Variants in ARMC9 observed in about 807,000 individuals in gnomAD.
ARMC9 encodes the protein lisH domain-containing protein ARMC9.
Under a neutral mutation model 107.0 loss-of-function variants are expected in ARMC9, and 94 were observed. That is an observed-to-expected ratio of 0.88 (90% confidence interval 0.74 to 1.04). ARMC9 has a LOEUF of 1.04. Ranked by LOEUF, ARMC9 falls within the 50% of genes least tolerant of loss-of-function variation. The pLI is 0.00. For missense variants in ARMC9, 942 were observed against 1,030.1 expected (o/e 0.91, Z 1.17); for synonymous variants, 380 against 396.9 (o/e 0.96, Z 0.51).
At position 231,281,588 on chromosome 2, in the gene ARMC9, G is replaced by C. The variant is rs191602566; in HGVS notation, c.1552-471G>C. On this transcript the variant is annotated intron_variant, in intron 16 of 24. Transcript: ENST00000611582. ...ATGGTTACATTAAAGGGTGAATATT[G>C]AGGGTAGAGAGACTGGTTTGGAGAT... Among the ~76,000 whole-genome samples, 473 of 152,264 alleles carry C rather than the reference G, an allele frequency of 3.1e-3. 2 individuals are homozygous for C. Among genetic ancestry groups the C allele is most frequent in the African/African-American group, 0.011 (456 of 41,546 alleles).
At chr2:231,230,364 A>AG in intron 7 of ARMC9, among the ~76,000 whole-genome samples, 1 of 152,234 alleles carries the variant, frequency 6.6e-6, no homozygotes, top group East Asian at 1.9e-4. Flanking sequence ...AAAAAAAAAA[A>AG]GAAGAGGAAA....
At chr2:231,210,710 C>T (rs905244889) in intron 3 of ARMC9, among the ~76,000 whole-genome samples, 3 of 152,218 alleles carry the variant, frequency 2.0e-5, no homozygotes, top group Non-Finnish European at 4.4e-5. Context: ...ATTTCAGCTC[C>T]AGCTGCATCT....
At chr2:231,312,401 G>A (rs2042404525) in intron 19 of ARMC9, among the ~76,000 whole-genome samples, 1 of 152,238 alleles carries the variant, frequency 6.6e-6, no homozygotes. Flanking sequence ...CACAAGGCCA[G>A]CCCAGTCTCA....
chr2:231,214,236 C>A (rs1010642653), intron 3 of ARMC9, among the ~76,000 whole-genome samples: 1 of 152,236 alleles, frequency 6.6e-6, no homozygotes, highest in Non-Finnish European at 1.5e-5. Flanking sequence ...AGCTGGCAGG[C>A]GTGGACAGTC....
intron 14 of ARMC9, 58 bp downstream of exon 14, chr2:231,273,136 C>T: frequency 1.3e-6 from 2 of 1,561,108 alleles, no homozygotes; most frequent in East Asian, 2.3e-5. Context: ...AGTTAAAATT[C>T]CCATGGCAAC....
chr2:231,335,771 T>C (rs2044048435), intron 20 of ARMC9, among the ~76,000 whole-genome samples: 2 of 152,278 alleles, frequency 1.3e-5, no homozygotes, highest in South Asian at 4.1e-4. Flanking sequence ...GTGCATACCG[T>C]GCTGAGTAAT....
chr2:231,327,156 G>A (rs762643374), intron 19 of ARMC9, among the ~76,000 whole-genome samples: 23 of 152,222 alleles, frequency 1.5e-4, no homozygotes, highest in Non-Finnish European at 1.9e-4. Flanking sequence ...TGGCAGGGAC[G>A]AGGAAGGGGC....
At chr2:231,330,712 G>A (rs1160197504) in intron 19 of ARMC9, among the ~76,000 whole-genome samples, 1 of 152,202 alleles carries the variant, frequency 6.6e-6, no homozygotes, top group Non-Finnish European at 1.5e-5. Flanking sequence ...GCAGGTGGGA[G>A]TGGAGCTACC....
intron 21 of ARMC9, among the ~76,000 whole-genome samples, chr2:231,354,764 T>G (rs906138829): frequency 5.9e-5 from 9 of 152,224 alleles, no homozygotes; most frequent in African/African-American, 2.2e-4. Flanking sequence ...TGTTCCCCAC[T>G]GAGCCCTTGT....
At chr2:231,237,329 A>G (rs941740647) in intron 8 of ARMC9, among the ~76,000 whole-genome samples, 2 of 152,140 alleles carry the variant, frequency 1.3e-5, no homozygotes, top group African/African-American at 4.8e-5. Flanking sequence ...GATCCACCTC[A>G]TTCTTTTTAA....
intron 19 of ARMC9, among the ~76,000 whole-genome samples, chr2:231,316,160 ATGTG>A (rs141395956): frequency 0.13 from 19,763 of 147,460 alleles, 2,682 homozygotes; most frequent in African/African-American, 0.34. Context: ...GTGTGTATGT[ATGTG>A]TGTGTGTGTG....
chr2:231,202,550 G>C (rs1391100385), intron 1 of ARMC9, among the ~76,000 whole-genome samples: 1 of 151,268 alleles, frequency 6.6e-6, no homozygotes, highest in South Asian at 2.1e-4. Context: ...TCGAACTCAT[G>C]AGCTCAAGTG....
intron 18 of ARMC9, among the ~76,000 whole-genome samples, chr2:231,292,191 C>T (rs923014847): frequency 6.6e-6 from 1 of 151,706 alleles, no homozygotes; most frequent in East Asian, 1.9e-4. Flanking sequence ...AAAAAAGTTC[C>T]GCCAGGTAGT....
rs550599975 is a variant in ARMC9 at position 231,254,325 on chromosome 2, G to A, written c.880-2261G>A. ...CAGGTAATGTCTATGAAAAATAATG[G>A]CCAATATCACTAAAGTTTAAGAAAG... is the stretch of plus-strand genomic sequence containing the variant. On this transcript the variant is annotated intron_variant, in intron 9 of 24. Coordinates refer to ENST00000611582, the MANE Select transcript of ARMC9 (RefSeq NM_001352754.2). 2.0e-5 allele frequency among the ~76,000 whole-genome samples: 3 copies of A among 152,220 alleles called. No individual in the cohort carries two copies. The East Asian group carries it at 5.8e-4, about 29-fold the overall frequency.
Position 231,296,260 on chromosome 2 carries a change from T to G in ARMC9, c.1773+7T>G. On this transcript the variant is annotated splice_region_variant and intron_variant, in intron 19 of 24. Transcript: ENST00000611582. ...TGAAGATGAAGATGATGAAGTAAGT[T>G]GGAGGTTCTTGACACCACATAGAAA... 6.2e-7 allele frequency: 1 copy of G among 1,611,628 alleles called. No individual in the cohort carries two copies. The highest frequency in any genetic ancestry group is 8.5e-7 in the Non-Finnish European group (1 of 1,178,280).
chr2:231,224,698 A>G (rs2034478194), intron 6 of ARMC9, among the ~76,000 whole-genome samples: 1 of 152,230 alleles, frequency 6.6e-6, no homozygotes, highest in Non-Finnish European at 1.5e-5. Context: ...GTTACATGAA[A>G]ATACTTGTAG....
chr2:231,219,954 C>T (rs1271855021), intron 5 of ARMC9, among the ~76,000 whole-genome samples: 1 of 152,156 alleles, frequency 6.6e-6, no homozygotes, highest in Non-Finnish European at 1.5e-5. Context: ...CTTCAGCCTC[C>T]CGAGTAGCTA....
chr2:231,367,471 C>T lies in ARMC9; in HGVS notation c.2262-2482C>T, dbSNP rs2045863454. 2.6e-5 allele frequency among the ~76,000 whole-genome samples: 4 copies of T among 152,190 alleles called. No individual in the cohort carries two copies. In the South Asian group the frequency reaches 6.2e-4, roughly 24 times the overall value. ...CTGGCTGCCTTTGAGGGCTGCCTCC[C>T]AGGCTAGCTGGTGCTGGCCGCCCTG... On this transcript the variant is annotated intron_variant, in intron 23 of 24. Coordinates refer to ENST00000611582, the MANE Select transcript of ARMC9 (RefSeq NM_001352754.2).
chr2:231,350,307 T>C (rs996376310), intron 21 of ARMC9, among the ~76,000 whole-genome samples: 1 of 152,108 alleles, frequency 6.6e-6, no homozygotes, highest in Non-Finnish European at 1.5e-5. Flanking sequence ...ATTACAGGTG[T>C]GAGCCACTGT....
Sources: gnomAD v4.1 joint callset for allele counts (sites outside exome capture counted in the v4.1 genomes callset) on GRCh38, gnomAD v4.1.1 for gene constraint, MANE v1.5 for transcripts, NCBI Gene and HGNC (gene_info 2026-07-23, HGNC 2026-07-21) for gene names.